DENND5B: variants seen among roughly 807,000 people sequenced by gnomAD.
DENND5B encodes the protein DENN domain containing 5B.
DENND5B carries 34 observed loss-of-function variants against 140.6 expected under a neutral mutation model. The observed-to-expected ratio is 0.24, with a 90% confidence interval of 0.18 to 0.32. DENND5B has a LOEUF of 0.32. Ranked by LOEUF, DENND5B falls within the 10% of genes least tolerant of loss-of-function variation. DENND5B has a pLI of 1.00. For synonymous variants in DENND5B, 551 were observed against 562.1 expected, an observed-to-expected ratio of 0.98 and a Z score of 0.28; for missense variants, 1,142 against 1,560.2, an observed-to-expected ratio of 0.73 and a Z score of 4.52.
At chr12:31,484,509 A>C (rs549051176) in intron 2 of DENND5B, among the ~76,000 whole-genome samples, 1 of 152,100 alleles carries the variant, frequency 6.6e-6, no homozygotes, top group Non-Finnish European at 1.5e-5. Flanking sequence ...ATTTTAAAAA[A>C]TCGTCATCTT....
In DENND5B at chr12:31,436,006, T is replaced by C. The variant is rs114356856; in HGVS notation, c.2013-2758A>G. On this transcript the variant is annotated intron_variant, in intron 7 of 20. Coordinates refer to ENST00000389082, the MANE Select transcript of DENND5B (RefSeq NM_144973.4). ...AGAGACAGGGTTTTACCATGTTGCC[T>C]AGATCAGTCTTGAACTCCTGAGCTT... Among the ~76,000 whole-genome samples, 818 of 152,110 alleles carry C rather than the reference T, an allele frequency of 5.4e-3. 4 individuals carry two copies. Among genetic ancestry groups the C allele is most frequent in the African/African-American group, 0.019 (787 of 41,496 alleles).
intron 1 of DENND5B, among the ~76,000 whole-genome samples, chr12:31,496,935 T>C (rs899901834): frequency 2.0e-5 from 3 of 152,170 alleles, no homozygotes; most frequent in Non-Finnish European, 2.9e-5. Flanking sequence ...TTGTGTTGTG[T>C]GTTTTCCTAC....
chr12:31,538,264 T>C (rs963087043), intron 1 of DENND5B, among the ~76,000 whole-genome samples: 2 of 152,088 alleles, frequency 1.3e-5, no homozygotes, highest in Non-Finnish European at 2.9e-5. Context: ...ATATGTTATG[T>C]CACAAAACAA....
intron 1 of DENND5B, among the ~76,000 whole-genome samples, chr12:31,542,691 C>T (rs1948722064): frequency 6.6e-6 from 1 of 152,100 alleles, no homozygotes. Context: ...CACGGTGGCT[C>T]ATGCCTGTAA....
chr12:31,502,741 C>T (rs1391811373), intron 1 of DENND5B, among the ~76,000 whole-genome samples: 1 of 152,296 alleles, frequency 6.6e-6, no homozygotes, highest in African/African-American at 2.4e-5. Context: ...GCTACTTACC[C>T]ACAGATACTG....
At chr12:31,533,913 A>G (rs1260719379) in intron 1 of DENND5B, among the ~76,000 whole-genome samples, 1 of 151,598 alleles carries the variant, frequency 6.6e-6, no homozygotes, top group Non-Finnish European at 1.5e-5. Context: ...TTAACTTATG[A>G]AGATTCAAGT....
chr12:31,534,856 T>G (rs1948425596), intron 1 of DENND5B: 5 of 442,992 alleles, frequency 1.1e-5, no homozygotes, highest in Non-Finnish European at 2.2e-5. Context: ...TCAGGAGGAG[T>G]TCTAGGTTAT....
At chr12:31,391,948 G>A (rs963421864) in intron 19 of DENND5B, among the ~76,000 whole-genome samples, 6 of 152,002 alleles carry the variant, frequency 3.9e-5, no homozygotes, top group African/African-American at 1.4e-4. Flanking sequence ...AGACCAGCCT[G>A]GCCAATATGG....
intron 11 of DENND5B, among the ~76,000 whole-genome samples, chr12:31,418,296 T>TC: frequency 6.6e-6 from 1 of 150,462 alleles, no homozygotes; most frequent in Non-Finnish European, 1.5e-5. Flanking sequence ...TTTTTTTTTT[T>TC]TTGAGATAGG....
At chr12:31,475,371 C>T (rs1380507182) in intron 3 of DENND5B, among the ~76,000 whole-genome samples, 3 of 152,072 alleles carry the variant, frequency 2.0e-5, no homozygotes, top group South Asian at 2.1e-4. Flanking sequence ...AAAACCATAT[C>T]CATAAATGCT....
intron 1 of DENND5B, among the ~76,000 whole-genome samples, chr12:31,542,608 T>C (rs1470612263): frequency 6.6e-6 from 1 of 152,172 alleles, no homozygotes; most frequent in Non-Finnish European, 1.5e-5. Flanking sequence ...TATAAAAATA[T>C]CTCATGTAAC....
chr12:31,436,695 C>T (rs1250347285), intron 7 of DENND5B, among the ~76,000 whole-genome samples: 1 of 151,608 alleles, frequency 6.6e-6, no homozygotes, highest in Non-Finnish European at 1.5e-5. Flanking sequence ...CCAACATGCC[C>T]AGCTAAGTTT....
At chr12:31,394,054 G>T (rs929785299) in intron 17 of DENND5B, among the ~76,000 whole-genome samples, 4 of 151,226 alleles carry the variant, frequency 2.6e-5, no homozygotes, top group Non-Finnish European at 5.9e-5. Flanking sequence ...TTGTTAAAAT[G>T]AAAACCTCTT....
At position 31,479,646 on chromosome 12, in the gene DENND5B, G is replaced by A. The variant is rs1266699683; in HGVS notation, c.847C>T (p.Leu283=). 2 of 1,549,486 alleles carry A rather than the reference G, an allele frequency of 1.3e-6. No homozygotes were observed. The highest frequency in any genetic ancestry group is 1.3e-5 in the South Asian group (1 of 79,204). ...EAFELLGLEN[L]VQVFTCVLLE... is the part of the protein sequence containing the mutation. ...AGAACACAGGTAAACACCTGCACCA[G>A]GTTCTCTAATCCCAGGAGCTCAAAT... The change falls in exon 3 of 21, where the codon CTG becomes TTG. Residue 283 remains leucine, a synonymous_variant. Coordinates refer to ENST00000389082, the MANE Select transcript of DENND5B (RefSeq NM_144973.4).
At position 31,469,660 on chromosome 12, in the gene DENND5B, A is replaced by G. The variant is rs561476016; in HGVS notation, c.905-9279T>C. On this transcript the variant is annotated intron_variant, in intron 3 of 20. Coordinates refer to ENST00000389082, the MANE Select transcript of DENND5B (RefSeq NM_144973.4). ...TATGTGGCCTGGTGCTACGGTTTGG[A>G]CATGGTTTGTTGGCCCCAATGTTGG... Among the ~76,000 whole-genome samples, 12 of 152,206 alleles carry G rather than the reference A, an allele frequency of 7.9e-5. No homozygotes were observed. The East Asian group carries it at 2.1e-3, about 27-fold the overall frequency.
At chr12:31,559,884 C>G (rs1949415021) in intron 1 of DENND5B, among the ~76,000 whole-genome samples, 1 of 152,080 alleles carries the variant, frequency 6.6e-6, no homozygotes. Context: ...AAAAGAGATA[C>G]TCTTAGTGCT....
At chr12:31,488,823 T>G (rs2138655032) in intron 2 of DENND5B, among the ~76,000 whole-genome samples, 1 of 152,266 alleles carries the variant, frequency 6.6e-6, no homozygotes, top group African/African-American at 2.4e-5. Context: ...CTTTGCTATC[T>G]ACTAACAATA....
At chr12:31,433,846 G>C (rs143990793) in intron 7 of DENND5B, among the ~76,000 whole-genome samples, 43 of 119,206 alleles carry the variant, frequency 3.6e-4, no homozygotes, top group Non-Finnish European at 4.1e-4. Flanking sequence ...TAGTGAGACT[G>C]TCTCTACAAA....
intron 4 of DENND5B, among the ~76,000 whole-genome samples, chr12:31,456,802 T>C (rs916253078): frequency 3.9e-5 from 6 of 152,210 alleles, no homozygotes; most frequent in Admixed American, 3.3e-4. Context: ...ATATTCCCTC[T>C]GGGCCAGATG....
Sources: allele counts gnomAD v4.1 joint callset (sites outside exome capture counted in the v4.1 genomes callset), GRCh38; gene constraint gnomAD v4.1.1; transcripts MANE v1.5; gene names NCBI Gene and HGNC (gene_info 2026-07-23, HGNC 2026-07-21).